The following TENM3 variants were observed in gnomAD, a reference collection of about 807,000 sequenced individuals.
TENM3 encodes the protein teneurin-3.
In TENM3, 63 loss-of-function variants were observed where a neutral mutation model predicts 255.1. The observed-to-expected ratio is 0.25, with a 90% CI of 0.20 to 0.30. TENM3 has a LOEUF of 0.30. Ranked by LOEUF, TENM3 falls within the 10% of genes least tolerant of loss-of-function variation. The pLI, the probability that TENM3 is intolerant of heterozygous loss-of-function variation, is 1.00. For missense variants in TENM3, 2,929 were observed against 3,461.1 expected, an observed-to-expected ratio of 0.85 and a Z score of 3.86; for synonymous variants, 1,306 against 1,322.3, an observed-to-expected ratio of 0.99 and a Z score of 0.27.
At chr4:182,482,336 T>G (rs1734281138) in intron 3 of TENM3, among the ~76,000 whole-genome samples, 1 of 152,194 alleles carries the variant, frequency 6.6e-6, no homozygotes, top group Non-Finnish European at 1.5e-5. Flanking sequence ...TATGCTTATA[T>G]CTATATTGTA....
intron 3 of TENM3, among the ~76,000 whole-genome samples, chr4:182,387,345 C>T (rs190568565): frequency 4.3e-4 from 65 of 152,182 alleles, no homozygotes; most frequent in East Asian, 1.9e-4. Context: ...ACCTGTGTGT[C>T]CAAACTCTGT....
intron 3 of TENM3, among the ~76,000 whole-genome samples, chr4:182,560,146 A>C (rs934987534): frequency 1.3e-5 from 2 of 151,568 alleles, no homozygotes; most frequent in African/African-American, 2.4e-5. Context: ...ACACACACAC[A>C]CCCTGAATCC....
At chr4:181,890,614 C>T in the TENM3 span, among the ~76,000 whole-genome samples, 54 of 152,084 alleles carry the variant, frequency 3.6e-4, no homozygotes, top group Non-Finnish European at 7.2e-4. Flanking sequence ...TTTATTCTAA[C>T]GTGTTAGACT....
At chr4:181,517,169 C>G in the TENM3 span, among the ~76,000 whole-genome samples, 5 of 151,686 alleles carry the variant, frequency 3.3e-5, no homozygotes, top group Non-Finnish European at 7.4e-5. Flanking sequence ...AAAAATCCCT[C>G]AGGTTCTGTA....
intron 3 of TENM3, among the ~76,000 whole-genome samples, chr4:182,537,004 C>T (rs1479046539): frequency 4.6e-5 from 7 of 152,000 alleles, no homozygotes; most frequent in Non-Finnish European, 1.0e-4. Flanking sequence ...ACACTAGGTA[C>T]TTTGAAGGAG....
At chr4:181,707,108 T>C in the TENM3 span, among the ~76,000 whole-genome samples, 1 of 152,280 alleles carries the variant, frequency 6.6e-6, no homozygotes, top group Non-Finnish European at 1.5e-5. Flanking sequence ...ATGGGTGGGC[T>C]CTTAGAGCCC....
At chr4:182,742,551 C>T (rs1470027085) in intron 18 of TENM3, among the ~76,000 whole-genome samples, 1 of 152,158 alleles carries the variant, frequency 6.6e-6, no homozygotes, top group African/African-American at 2.4e-5. Flanking sequence ...TGTCTATTTT[C>T]TACCTTTGTT....
At chr4:181,976,445 T>G in the TENM3 span, 1 of 152,206 alleles carries the variant, frequency 6.6e-6, no homozygotes, top group African/African-American at 2.4e-5. Flanking sequence ...ATTGTGTCTC[T>G]GTACCACATT....
chr4:181,540,566 A>G, the TENM3 span, among the ~76,000 whole-genome samples: 4 of 152,188 alleles, frequency 2.6e-5, no homozygotes, highest in African/African-American at 7.2e-5. Context: ...ACAACATGTC[A>G]TGTTGGTAGC....
At chr4:182,243,984 C>T (rs1244399946) in intron 1 of TENM3, among the ~76,000 whole-genome samples, 4 of 120,824 alleles carry the variant, frequency 3.3e-5, no homozygotes, top group Non-Finnish European at 6.4e-5. Flanking sequence ...GACGGAATCT[C>T]GCTCTGTCGC....
At chr4:181,902,564 C>T in the TENM3 span, among the ~76,000 whole-genome samples, 1 of 152,094 alleles carries the variant, frequency 6.6e-6, no homozygotes, top group Non-Finnish European at 1.5e-5. Flanking sequence ...AAATGTGGCA[C>T]ATATACACCA....
chr4:181,685,572 A>G, the TENM3 span, among the ~76,000 whole-genome samples: 6 of 152,336 alleles, frequency 3.9e-5, no homozygotes, highest in African/African-American at 1.4e-4. Flanking sequence ...CAAGATGGCT[A>G]GGAGTTTTCA....
the TENM3 span, among the ~76,000 whole-genome samples, chr4:181,963,298 T>C: frequency 1.3e-5 from 2 of 152,194 alleles, no homozygotes; most frequent in African/African-American, 4.8e-5. Context: ...TAGTTGAATA[T>C]AAAGAAGCTT....
chr4:182,736,084 G>C (rs1349370275), intron 16 of TENM3, among the ~76,000 whole-genome samples: 2 of 152,092 alleles, frequency 1.3e-5, no homozygotes, highest in Non-Finnish European at 2.9e-5. Flanking sequence ...TAAAATATTA[G>C]CTAATTTACC....
the TENM3 span, among the ~76,000 whole-genome samples, chr4:181,725,632 C>A: frequency 1.5e-3 from 233 of 151,826 alleles, 2 homozygotes; most frequent in African/African-American, 5.3e-3. Context: ...TTAGTAGAGA[C>A]GGAGTTTCAC....
chr4:182,293,411 G>A (rs905382253), intron 1 of TENM3, among the ~76,000 whole-genome samples: 13 of 152,158 alleles, frequency 8.5e-5, no homozygotes, highest in African/African-American at 2.2e-4. Flanking sequence ...GGAAAATCTG[G>A]AGACCTTACG....
At chr4:181,476,423 C>T in the TENM3 span, among the ~76,000 whole-genome samples, 1 of 151,988 alleles carries the variant, frequency 6.6e-6, no homozygotes, top group Non-Finnish European at 1.5e-5. Context: ...ACGTGCAATC[C>T]TATCAATTTA....
At chr4:182,280,973 G>T (rs1028641175) in intron 1 of TENM3, among the ~76,000 whole-genome samples, 2 of 152,152 alleles carry the variant, frequency 1.3e-5, no homozygotes, top group African/African-American at 4.8e-5. Flanking sequence ...AAATGACGTG[G>T]TTCTGGGAGA....
chr4:182,663,860 T>G (rs1754427745), intron 6 of TENM3, among the ~76,000 whole-genome samples: 1 of 152,232 alleles, frequency 6.6e-6, no homozygotes, highest in Admixed American at 6.5e-5. Flanking sequence ...GAAAAAGATT[T>G]ATTACACTGT....
Sources: allele counts gnomAD v4.1 joint callset (sites outside exome capture counted in the v4.1 genomes callset), GRCh38; gene constraint gnomAD v4.1.1; transcripts MANE v1.5; gene names NCBI Gene and HGNC (gene_info 2026-07-23, HGNC 2026-07-21).